Variants in MACROD2 observed in about 807,000 individuals in gnomAD.
The protein encoded by MACROD2 is mono-ADP ribosylhydrolase 2, also known as ADP-ribose glycohydrolase MACROD2.
In MACROD2, 36 loss-of-function variants were observed where a neutral mutation model predicts 70.4. The observed-to-expected ratio is 0.51, with a 90% CI of 0.39 to 0.68. The LOEUF (loss-of-function observed/expected upper bound fraction) is 0.68. MACROD2 is among the 30% of genes least tolerant of loss of function. MACROD2 has a pLI of 0.00. For missense variants in MACROD2, 496 were observed against 538.4 expected (o/e 0.92, Z 0.78); for synonymous variants, 172 against 178.8 (o/e 0.96, Z 0.30).
At chr20:15,884,571 G>A (rs947842505) in intron 9 of MACROD2, among the ~76,000 whole-genome samples, 4 of 152,038 alleles carry the variant, frequency 2.6e-5, no homozygotes, top group South Asian at 2.1e-4. Context: ...TGGCAGTCAC[G>A]TGTAAAAGGA....
chr20:15,286,538 A>G (rs113838157), intron 6 of MACROD2, among the ~76,000 whole-genome samples: 14 of 144,436 alleles, frequency 9.7e-5, no homozygotes, highest in African/African-American at 3.6e-4. Flanking sequence ...AGAACAGAGA[A>G]TAAACAAAGG....
chr20:14,264,788 A>G (rs976248431), intron 3 of MACROD2, among the ~76,000 whole-genome samples: 9 of 152,236 alleles, frequency 5.9e-5, no homozygotes, highest in Non-Finnish European at 2.9e-5. Context: ...CTAAAATGGC[A>G]GGTAATTACA....
chr20:14,809,652 A>AT (rs565003572), intron 5 of MACROD2, among the ~76,000 whole-genome samples: 30 of 151,900 alleles, frequency 2.0e-4, no homozygotes, highest in Admixed American at 1.8e-3. Flanking sequence ...CCAGGAGCTC[A>AT]TTTTTTTGAA....
intron 12 of MACROD2, among the ~76,000 whole-genome samples, chr20:15,966,496 C>A (rs908671237): frequency 6.6e-6 from 1 of 152,128 alleles, no homozygotes; most frequent in Non-Finnish European, 1.5e-5. Context: ...AATCCCAGCA[C>A]TTTGGGGGTA....
intron 3 of MACROD2, among the ~76,000 whole-genome samples, chr20:14,211,554 G>A (rs1333779826): frequency 6.6e-6 from 1 of 152,128 alleles, no homozygotes; most frequent in African/African-American, 2.4e-5. Flanking sequence ...TCTCCATCTA[G>A]CTATGTGTCC....
At chr20:15,506,661 G>A (rs1343931258) in intron 8 of MACROD2, among the ~76,000 whole-genome samples, 5 of 152,158 alleles carry the variant, frequency 3.3e-5, no homozygotes, top group Non-Finnish European at 7.3e-5. Context: ...TCTTAAAAAG[G>A]GGGTTTAAAT....
At chr20:14,498,220 A>T (rs2084875966) in intron 4 of MACROD2, among the ~76,000 whole-genome samples, 1 of 148,918 alleles carries the variant, frequency 6.7e-6, no homozygotes, top group South Asian at 2.1e-4. Context: ...GTGCACCAAA[A>T]TCTCAGCCTT....
intron 4 of MACROD2, among the ~76,000 whole-genome samples, chr20:14,637,280 G>T (rs1984835151): frequency 6.6e-6 from 1 of 152,072 alleles, no homozygotes; most frequent in Non-Finnish European, 1.5e-5. Context: ...GCTTTAAGAA[G>T]AAGAAAAAAT....
intron 5 of MACROD2, among the ~76,000 whole-genome samples, chr20:14,707,785 T>C (rs1166187541): frequency 6.6e-6 from 1 of 152,198 alleles, no homozygotes; most frequent in Non-Finnish European, 1.5e-5. Flanking sequence ...AAAATTAACT[T>C]CCTATCACTT....
At chr20:14,511,435 T>TA (rs1369603632) in intron 4 of MACROD2, among the ~76,000 whole-genome samples, 1 of 151,958 alleles carries the variant, frequency 6.6e-6, no homozygotes, top group Non-Finnish European at 1.5e-5. Context: ...ATTTAAAAAT[T>TA]AAAAAATATA....
At chr20:14,623,278 T>C (rs1168409568) in intron 4 of MACROD2, among the ~76,000 whole-genome samples, 1 of 152,018 alleles carries the variant, frequency 6.6e-6, no homozygotes. Flanking sequence ...GGGTCTGCTA[T>C]GGAAGGAAGC....
At chr20:15,683,376 T>C (rs1317838594) in intron 8 of MACROD2, among the ~76,000 whole-genome samples, 1 of 152,246 alleles carries the variant, frequency 6.6e-6, no homozygotes, top group Non-Finnish European at 1.5e-5. Context: ...TCCTAGAAAT[T>C]ATTTCAGAAA....
chr20:15,815,023 A>T (rs915759750), intron 8 of MACROD2, among the ~76,000 whole-genome samples: 1 of 152,236 alleles, frequency 6.6e-6, no homozygotes, highest in African/African-American at 2.4e-5. Context: ...CAGGTATTTC[A>T]GGGCAGAGGG....
Position 15,968,807 on chromosome 20 carries a change from A to ATG in MACROD2, c.985+1178_985+1179insGT, listed in dbSNP as rs1374313719. ...TATTATATATTATGCGTATATATAT[A>ATG]TATATATATATATATATATATATAT... On this transcript the variant is annotated intron_variant, in intron 13 of 17. Transcript: ENST00000684519. 9.9e-5 allele frequency among the ~76,000 whole-genome samples: 7 copies of ATG among 70,524 alleles called. No homozygotes were observed. The Admixed American group carries it at 1.0e-3, about 10-fold the overall frequency. 46.3% of individuals were successfully genotyped at this position (70,524 alleles called of 152,430 possible). A position where few individuals can be genotyped will look rare whatever the true frequency, so the allele number is the denominator to read the frequency against.
rs1192749355 is a variant in MACROD2 at position 14,833,805 on chromosome 20, C to T, written c.418+148846C>T. Among the ~76,000 whole-genome samples, 2 of 151,954 alleles carry T rather than the reference C, an allele frequency of 1.3e-5. 1 individual carries two copies. On this transcript the variant is annotated intron_variant, in intron 5 of 17. Coordinates refer to ENST00000684519, the MANE Select transcript of MACROD2 (RefSeq NM_001351661.2). ...AGAAGTGTATTTGAATTGGTTTCAA[C>T]CACCATAAAGACTATTTCAACTTAT...
At chr20:14,418,774 ATC>A (rs2083839494) in intron 3 of MACROD2, among the ~76,000 whole-genome samples, 2 of 152,302 alleles carry the variant, frequency 1.3e-5, no homozygotes, top group East Asian at 3.9e-4. Context: ...ATGTTTTAGA[ATC>A]TCTGTTATAA....
At chr20:15,633,323 C>A (rs548580002) in intron 8 of MACROD2, among the ~76,000 whole-genome samples, 68 of 152,254 alleles carry the variant, frequency 4.5e-4, no homozygotes, top group African/African-American at 7.5e-4. Flanking sequence ...CTGGACCTTA[C>A]AGTAAGCACT....
chr20:15,111,217 G>A (rs1054654522), intron 5 of MACROD2, among the ~76,000 whole-genome samples: 4 of 148,160 alleles, frequency 2.7e-5, no homozygotes, highest in African/African-American at 1.0e-4. Flanking sequence ...CTGTTGCCCA[G>A]GTTGGGGTGC....
At chr20:14,693,893 T>G (rs893615721) in intron 5 of MACROD2, among the ~76,000 whole-genome samples, 5 of 152,200 alleles carry the variant, frequency 3.3e-5, no homozygotes, top group African/African-American at 1.2e-4. Flanking sequence ...ATAAGAGAGA[T>G]AAATGGCTCT....
Sources: allele counts gnomAD v4.1 joint callset (sites outside exome capture counted in the v4.1 genomes callset), GRCh38; gene constraint gnomAD v4.1.1; transcripts MANE v1.5; gene names NCBI Gene and HGNC (gene_info 2026-07-23, HGNC 2026-07-21).